Variants in DNM1L observed in about 807,000 individuals in gnomAD.
The protein encoded by DNM1L is dynamin 1L, also known as dynamin-1-like protein.
Under a neutral mutation model 92.8 loss-of-function variants are expected in DNM1L, and 33 were observed. The observed-to-expected ratio is 0.36, with a 90% confidence interval of 0.27 to 0.48. The LOEUF (loss-of-function observed/expected upper bound fraction) is 0.48. DNM1L is among the 20% of genes least tolerant of loss of function. DNM1L has a pLI of 0.99. For missense variants in DNM1L, 485 were observed against 888.8 expected (o/e 0.55, Z 5.78); for synonymous variants, 284 against 305.0 (o/e 0.93, Z 0.72).
At chr12:32,716,247 G>T (rs796755489) in intron 6 of DNM1L, among the ~76,000 whole-genome samples, 12 of 151,794 alleles carry the variant, frequency 7.9e-5, no homozygotes, top group Non-Finnish European at 1.6e-4. Flanking sequence ...TTTGGTGGGG[G>T]GGGGTGGCAA....
At chr12:32,685,307 T>A (rs1951963105) in intron 1 of DNM1L, among the ~76,000 whole-genome samples, 1 of 151,992 alleles carries the variant, frequency 6.6e-6, no homozygotes, top group South Asian at 2.1e-4. Context: ...ATGATAATTC[T>A]TACGTTTAAC....
chr12:32,722,398 T>C, intron 8 of DNM1L, 29 bp from the exon 9 acceptor site: 1 of 1,599,312 alleles, frequency 6.3e-7, no homozygotes, highest in African/African-American at 1.3e-5. Flanking sequence ...AATTTTACTT[T>C]TAAATCCTTC....
chr12:32,681,546 A>G (rs2137192964), intron 1 of DNM1L, among the ~76,000 whole-genome samples: 1 of 148,762 alleles, frequency 6.7e-6, no homozygotes, highest in African/African-American at 2.5e-5. Flanking sequence ...GAGAATAGAA[A>G]CTATTTTCTC....
intron 3 of DNM1L, 21 bp downstream of exon 3, chr12:32,707,434 T>C (rs368167689): frequency 9.0e-6 from 14 of 1,548,372 alleles, no homozygotes; most frequent in Admixed American, 1.9e-5. Context: ...ATGCATATAA[T>C]GAAGAAATAA....
intron 18 of DNM1L, among the ~76,000 whole-genome samples, chr12:32,741,347 G>A (rs145271109): frequency 1.3e-3 from 201 of 152,282 alleles, no homozygotes; most frequent in African/African-American, 4.5e-3. Flanking sequence ...GTGCAGTGGC[G>A]CAGTCTTGGC....
intron 19 of DNM1L, among the ~76,000 whole-genome samples, chr12:32,743,139 C>A (rs549075542): frequency 6.6e-6 from 1 of 151,914 alleles, no homozygotes; most frequent in African/African-American, 2.4e-5. Context: ...TCATGATCCG[C>A]CCGCCTCGAC....
chr12:32,696,050 A>T (rs1054247296), intron 1 of DNM1L, among the ~76,000 whole-genome samples: 21 of 152,336 alleles, frequency 1.4e-4, no homozygotes, highest in African/African-American at 4.8e-4. Context: ...AAAAATTACA[A>T]TACAAGACAA....
chr12:32,695,853 A>G (rs982741868), intron 1 of DNM1L, among the ~76,000 whole-genome samples: 1 of 152,242 alleles, frequency 6.6e-6, no homozygotes, highest in African/African-American at 2.4e-5. Flanking sequence ...ACACAAGAGC[A>G]AGTAAACGTA....
Position 32,679,347 on chromosome 12 carries a change from C to A in DNM1L, c.-17C>A, listed in dbSNP as rs747115615. 2 of 1,601,024 alleles carry A rather than the reference C, an allele frequency of 1.2e-6. No homozygotes were observed. The highest frequency in any genetic ancestry group is 1.7e-6 in the Non-Finnish European group (2 of 1,169,576). On this transcript the variant is annotated 5_prime_UTR_variant, in exon 1 of 20. Transcript: ENST00000549701. Reference sequence around the variant, plus strand: ...TGCCGTGGCCGGCGGGCACTGGGGCCCCGTGTTTTCAGAGTCATGGAGGCG... The same window carrying A: ...TGCCGTGGCCGGCGGGCACTGGGGCACCGTGTTTTCAGAGTCATGGAGGCG...
At chr12:32,708,328 CT>C in intron 4 of DNM1L, 104 bp downstream of exon 4, 1 of 761,502 alleles carries the variant, frequency 1.3e-6, no homozygotes, top group Non-Finnish European at 2.2e-6. Flanking sequence ...TACTCTTGAT[CT>C]TAGCCAAAAG....
chr12:32,708,255 A>T, intron 4 of DNM1L, 31 bp downstream of exon 4: 1 of 1,325,450 alleles, frequency 7.5e-7, no homozygotes, highest in Non-Finnish European at 1.1e-6. Context: ...AGAAGGCATA[A>T]GCATCAGTAA....
At chr12:32,679,499 A>T in intron 1 of DNM1L, 34 bp downstream of exon 1, 1 of 1,584,404 alleles carries the variant, frequency 6.3e-7, no homozygotes, top group East Asian at 2.2e-5. Context: ...CTCGGGCCAG[A>T]CCCCGGCCGC....
At chr12:32,680,472 A>T (rs191957020) in intron 1 of DNM1L, among the ~76,000 whole-genome samples, 1 of 152,298 alleles carries the variant, frequency 6.6e-6, no homozygotes, top group Admixed American at 6.5e-5. Context: ...TCAAAGTATT[A>T]GTGGCTATCC....
chr12:32,741,493 C>CA (rs1251079336), intron 18 of DNM1L, among the ~76,000 whole-genome samples: 1 of 152,168 alleles, frequency 6.6e-6, no homozygotes, highest in Non-Finnish European at 1.5e-5. Context: ...CCATGTTGGC[C>CA]AGGCTGGTCT....
chr12:32,743,552 G>A lies in DNM1L; in HGVS notation c.*142G>A. 1.3e-6 allele frequency: 1 copy of A among 769,780 alleles called. No individual in the cohort carries two copies. Among genetic ancestry groups the A allele is most frequent in the East Asian group, 2.7e-5 (1 of 37,186 alleles). The allele number at this position is 769,780 out of a possible 1,614,324, so 47.7% of individuals were successfully genotyped here. A position where few individuals can be genotyped will look rare whatever the true frequency, so the allele number is the denominator to read the frequency against. ...GGAGACTGGCTATAAACTGAAAAGT[G>A]TATTCCAAATTGCAGAACACATCAC... On this transcript the variant is annotated 3_prime_UTR_variant, in exon 20 of 20. Transcript: ENST00000549701.
chr12:32,729,228 C>A (rs190823523), intron 9 of DNM1L, among the ~76,000 whole-genome samples: 1 of 151,970 alleles, frequency 6.6e-6, no homozygotes, highest in Non-Finnish European at 1.5e-5. Context: ...ATTACAGGCG[C>A]GCACTACTAT....
chr12:32,720,742 T>C lies in DNM1L; in HGVS notation c.819T>C (p.Tyr273=), dbSNP rs372804199. 43 of 1,613,898 alleles carry C rather than the reference T, an allele frequency of 2.7e-5. No individual in the cohort carries two copies. In the African/African-American group the frequency reaches 4.3e-4, roughly 16 times the overall value. ...AGTATGCTTTTCTTCAAAAGAAATA[T>C]CCATCTCTGGCCAATAGAAATGGAA... The part of the protein sequence containing the change: ...RDEYAFLQKK[Y]PSLANRNGTK... Residue 273 remains tyrosine, a synonymous_variant, in exon 8 of 20, where the codon TAT becomes TAC. Coordinates refer to ENST00000549701, the MANE Select transcript of DNM1L (RefSeq NM_012062.5).
chr12:32,742,417 C>T (rs767169892), intron 18 of DNM1L, among the ~76,000 whole-genome samples, 172 bp from the exon 19 acceptor site: 1 of 152,106 alleles, frequency 6.6e-6, no homozygotes, highest in South Asian at 2.1e-4. Context: ...AACTGCTTTT[C>T]TTAATGTTTA....
At chr12:32,713,476 C>T (rs762111681) in intron 6 of DNM1L, 105 bp downstream of exon 6, 1 of 1,229,624 alleles carries the variant, frequency 8.1e-7, no homozygotes. Flanking sequence ...GTTTTGAATA[C>T]AAATTTAAAA....
Sources: allele counts gnomAD v4.1 joint callset (sites outside exome capture counted in the v4.1 genomes callset), GRCh38; gene constraint gnomAD v4.1.1; transcripts MANE v1.5; gene names NCBI Gene and HGNC (gene_info 2026-07-23, HGNC 2026-07-21).